Variants in FBXO28 observed in about 807,000 individuals in gnomAD.
FBXO28 encodes F-box protein 28.
In FBXO28, 8 loss-of-function variants were observed where a neutral mutation model predicts 38.1. The observed-to-expected ratio is 0.21, with a 90% CI of 0.12 to 0.38. The LOEUF is 0.38. Ranked by LOEUF, FBXO28 falls within the 10% of genes least tolerant of loss-of-function variation. The pLI is 1.00. For synonymous variants in FBXO28, 168 were observed against 173.8 expected (o/e 0.97, Z 0.26); for missense variants, 345 against 460.6 (o/e 0.75, Z 2.30).
chr1:224,155,047 G>T (rs1209456678), intron 4 of FBXO28, among the ~76,000 whole-genome samples: 2 of 151,764 alleles, frequency 1.3e-5, no homozygotes, highest in African/African-American at 4.8e-5. Flanking sequence ...TTATGTTTCT[G>T]ATGAATTAAT....
intron 2 of FBXO28, among the ~76,000 whole-genome samples, chr1:224,131,988 C>CA (rs1657058850): frequency 6.6e-6 from 1 of 152,164 alleles, no homozygotes; most frequent in Admixed American, 6.5e-5. Flanking sequence ...TGCAGTGGCT[C>CA]ACACCTGTAA....
intron 3 of FBXO28, among the ~76,000 whole-genome samples, chr1:224,152,396 A>G (rs1657668345): frequency 6.6e-6 from 1 of 152,188 alleles, no homozygotes; most frequent in Non-Finnish European, 1.5e-5. Context: ...TGGAGGATTA[A>G]TAAAATGGGT....
At chr1:224,119,604 A>ATTT (rs1656726539) in intron 1 of FBXO28, among the ~76,000 whole-genome samples, 1 of 152,168 alleles carries the variant, frequency 6.6e-6, no homozygotes, top group Non-Finnish European at 1.5e-5. Flanking sequence ...CTGTGTCGTC[A>ATTT]TCAAGAGAAA....
In FBXO28 at chr1:224,158,167, G is replaced by A; in HGVS notation, c.*421G>A. ...CTACTTTTTAAATGGACACTATCTT[G>A]GTTCTTTTTTTTTTAAGTCATCTTT... On this transcript the variant is annotated 3_prime_UTR_variant, in exon 5 of 5. Coordinates refer to ENST00000366862, the MANE Select transcript of FBXO28 (RefSeq NM_015176.4). 2 of 982,078 alleles carry A rather than the reference G, an allele frequency of 2.0e-6. No homozygotes were observed. Among genetic ancestry groups the A allele is most frequent in the Non-Finnish European group, 1.2e-6 (1 of 829,742 alleles). The allele number at this position is 982,078 out of a possible 1,614,324, so 60.8% of individuals were successfully genotyped here.
At chr1:224,129,846 C>T (rs1054444797) in intron 1 of FBXO28, among the ~76,000 whole-genome samples, 14 of 152,156 alleles carry the variant, frequency 9.2e-5, no homozygotes, top group African/African-American at 1.2e-4. Context: ...AAAAATTAGC[C>T]GGGCGTGGTG....
chr1:224,143,169 A>T lies in FBXO28; in HGVS notation c.516+8957A>T, dbSNP rs190320368. ...AGGAGATGGAGGTTGCAGTGAGCCAACATCGTGCCACTGCACTCCAGCCTG... is the reference window on the plus strand; with the variant it reads ...AGGAGATGGAGGTTGCAGTGAGCCATCATCGTGCCACTGCACTCCAGCCTG... On this transcript the variant is annotated intron_variant, in intron 3 of 4. Transcript: ENST00000366862. Among the ~76,000 whole-genome samples the T allele has an allele frequency of 3.3e-5, 5 of 150,626 alleles. No individual in the cohort carries two copies. In the East Asian group the frequency reaches 9.8e-4, roughly 29 times the overall value.
At chr1:224,116,083 A>G (rs894113694) in intron 1 of FBXO28, among the ~76,000 whole-genome samples, 1 of 152,102 alleles carries the variant, frequency 6.6e-6, no homozygotes, top group Admixed American at 6.6e-5. Flanking sequence ...TCAAACTCAG[A>G]TTTTTCATAA....
intron 3 of FBXO28, among the ~76,000 whole-genome samples, chr1:224,135,588 G>A (rs1657155378): frequency 7.9e-6 from 1 of 125,990 alleles, no homozygotes. Context: ...CTCCAGCCTG[G>A]GCAACAGAGC....
chr1:224,161,695 G>C lies in FBXO28; in HGVS notation c.*3949G>C, dbSNP rs955105454. On this transcript the variant is annotated 3_prime_UTR_variant, in exon 5 of 5. Coordinates refer to ENST00000366862, the MANE Select transcript of FBXO28 (RefSeq NM_015176.4). ...AAATATGACAGGCTTAAGTACTGCT[G>C]TCCTTTTGCATCTTCCTAAGCATCT... The C allele has an allele frequency of 3.9e-5, 6 of 152,140 alleles. No individual in the cohort carries two copies. The highest frequency in any genetic ancestry group is 8.8e-5 in the Non-Finnish European group (6 of 68,014). The allele number at this position is 152,140 out of a possible 1,614,324, so 9.4% of individuals were successfully genotyped here.
chr1:224,117,262 G>A (rs1656663312), intron 1 of FBXO28, among the ~76,000 whole-genome samples: 1 of 148,184 alleles, frequency 6.7e-6, no homozygotes, highest in Non-Finnish European at 1.5e-5. Context: ...CACCTCCTGG[G>A]GTTCAAGCGA....
At chr1:224,139,102 T>C (rs1657270893) in intron 3 of FBXO28, among the ~76,000 whole-genome samples, 1 of 151,726 alleles carries the variant, frequency 6.6e-6, no homozygotes, top group South Asian at 2.1e-4. Flanking sequence ...CTCTTAACTG[T>C]CACTAGTAGC....
chr1:224,115,085 T>TC (rs1302119791), intron 1 of FBXO28, among the ~76,000 whole-genome samples: 4 of 152,300 alleles, frequency 2.6e-5, no homozygotes, highest in Middle Eastern at 3.4e-3. Context: ...ACGGGTTTTT[T>TC]CTCTTTTGCA....
intron 3 of FBXO28, among the ~76,000 whole-genome samples, chr1:224,143,113 T>TA (rs1657401537): frequency 2.0e-5 from 3 of 146,808 alleles, no homozygotes; most frequent in African/African-American, 7.7e-5. Flanking sequence ...AATAAATACA[T>TA]ATATTAGCCG....
chr1:224,135,919 C>T (rs990770541), intron 3 of FBXO28, among the ~76,000 whole-genome samples: 12 of 151,866 alleles, frequency 7.9e-5, no homozygotes, highest in African/African-American at 2.2e-4. Context: ...CCTGTAATCC[C>T]AGCTACTCGG....
In FBXO28 at chr1:224,157,641, T is replaced by C. The variant is rs1332912288; in HGVS notation, c.1002T>C (p.Asn334=). ...LREVMESAVG[N]SSGSGQNEES... The stretch of plus-strand genomic sequence containing the variant: ...AAGTAATGGAAAGTGCTGTAGGAAA[T>C]TCCTCAGGGTCCGGGCAGAATGAGG... Residue 334 remains asparagine, a synonymous_variant, in exon 5 of 5, where the codon AAT becomes AAC. Coordinates refer to ENST00000366862, the MANE Select transcript of FBXO28 (RefSeq NM_015176.4). 2.5e-6 allele frequency: 4 copies of C among 1,614,178 alleles called. No homozygotes were observed. Among genetic ancestry groups the C allele is most frequent in the Non-Finnish European group, 2.5e-6 (3 of 1,180,030 alleles).
At position 224,114,190 on chromosome 1, in the gene FBXO28, G is replaced by A. The variant is rs1372098653; in HGVS notation, c.61G>A (p.Gly21Ser). 3.2e-6 allele frequency: 5 copies of A among 1,547,894 alleles called. No individual in the cohort carries two copies. The highest frequency in any genetic ancestry group is 4.4e-6 in the Non-Finnish European group (5 of 1,146,162). Residue 21 changes from glycine to serine, a missense_variant, in exon 1 of 5, where the codon GGT (glycine) becomes AGT (serine). Physicochemically the swap from Gly to Ser is moderately conservative, Grantham distance 56. Coordinates refer to ENST00000366862, the MANE Select transcript of FBXO28 (RefSeq NM_015176.4). The stretch of plus-strand genomic sequence containing the variant: ...AGGAGGCGGCGGCCAAGGCGACGGC[G>A]GTTCCTCTTTGGCCTCCGGCTCTAC... ...EEGGGGQGDG[G>S]SSLASGSTQR...
intron 1 of FBXO28, among the ~76,000 whole-genome samples, chr1:224,119,698 A>G (rs2102608863): frequency 6.6e-6 from 1 of 152,306 alleles, no homozygotes; most frequent in South Asian, 2.1e-4. Context: ...GAGGTTGATT[A>G]GGACTTAATC....
intron 4 of FBXO28, among the ~76,000 whole-genome samples, chr1:224,156,009 A>G (rs531684262): frequency 7.0e-4 from 106 of 152,370 alleles, no homozygotes; most frequent in Non-Finnish European, 1.4e-3. Context: ...TGGAAACATC[A>G]CAGGAAGTAA....
chr1:224,114,546 T>G lies in FBXO28; in HGVS notation c.267+150T>G, dbSNP rs1038514125. On this transcript the variant is annotated intron_variant, in intron 1 of 4. Coordinates refer to ENST00000366862, the MANE Select transcript of FBXO28 (RefSeq NM_015176.4). The stretch of plus-strand genomic sequence containing the variant: ...AGCCGCTCCCGTCCCGAACTCTCCC[T>G]TGGCGTCAGTCAGCAGGAGTGGGCT... 16 of 676,864 alleles carry G rather than the reference T, an allele frequency of 2.4e-5. No homozygotes were observed. The African/African-American group carries it at 2.4e-4, about 10-fold the overall frequency. 41.9% of individuals were successfully genotyped at this position (676,864 alleles called of 1,614,324 possible).
Sources: gnomAD v4.1 joint callset for allele counts (sites outside exome capture counted in the v4.1 genomes callset) on GRCh38, gnomAD v4.1.1 for gene constraint, MANE v1.5 for transcripts, NCBI Gene and HGNC (gene_info 2026-07-23, HGNC 2026-07-21) for gene names.